Variants in KCNQ5 observed in about 807,000 individuals in gnomAD.
KCNQ5 encodes potassium voltage-gated channel subfamily Q member 5, also known as potassium voltage-gated channel subfamily KQT member 5.
Under a neutral mutation model 98.2 loss-of-function variants are expected in KCNQ5, and 30 were observed. The observed-to-expected ratio is 0.31, with a 90% CI of 0.23 to 0.41. The LOEUF (loss-of-function observed/expected upper bound fraction) is 0.41, where lower values mean the gene tolerates loss of function less well. KCNQ5 is among the 10% of genes least tolerant of loss of function. The pLI, the probability that KCNQ5 is intolerant of heterozygous loss-of-function variation, is 1.00. For missense variants in KCNQ5, 835 were observed against 1,182.5 expected (o/e 0.71, Z 4.31); for synonymous variants, 458 against 449.4 (o/e 1.02, Z -0.24).
chr6:72,850,947 G>C (rs1445465731), intron 1 of KCNQ5, among the ~76,000 whole-genome samples: 1 of 151,756 alleles, frequency 6.6e-6, no homozygotes, highest in Admixed American at 6.6e-5. Context: ...AAGAAAACTT[G>C]CTTTTTGACT....
At chr6:73,022,369 CA>C (rs1436462997) in intron 2 of KCNQ5, among the ~76,000 whole-genome samples, 1 of 152,042 alleles carries the variant, frequency 6.6e-6, no homozygotes, top group East Asian at 1.9e-4. Flanking sequence ...AAACTGGACA[CA>C]GTGGCTTATG....
chr6:72,633,908 A>T (rs985682812), intron 1 of KCNQ5, among the ~76,000 whole-genome samples: 4 of 152,226 alleles, frequency 2.6e-5, no homozygotes, highest in African/African-American at 9.6e-5. Flanking sequence ...AGATTTAAAT[A>T]TAAGACCTCA....
intron 7 of KCNQ5, among the ~76,000 whole-genome samples, chr6:73,114,663 G>T (rs1191436434): frequency 6.6e-6 from 1 of 152,014 alleles, no homozygotes; most frequent in Non-Finnish European, 1.5e-5. Flanking sequence ...CTTGATCCTC[G>T]AGACAAGCCT....
At chr6:72,686,717 G>GTTTT (rs1554688157) in intron 1 of KCNQ5, among the ~76,000 whole-genome samples, 79 of 97,276 alleles carry the variant, frequency 8.1e-4, no homozygotes, top group East Asian at 2.5e-3. Flanking sequence ...TTTATGGGTT[G>GTTTT]TTTTTTTTTT....
chr6:73,157,974 T>A (rs2150489556), intron 10 of KCNQ5: 1 of 760,202 alleles, frequency 1.3e-6, no homozygotes. Flanking sequence ...GGACTCTTCA[T>A]ACCCCTTGAA....
intron 1 of KCNQ5, among the ~76,000 whole-genome samples, chr6:72,803,670 A>G (rs1002163989): frequency 3.3e-5 from 5 of 152,138 alleles, no homozygotes; most frequent in African/African-American, 1.2e-4. Flanking sequence ...TATGTTCACA[A>G]ATCATCACCC....
chr6:72,734,935 A>T (rs1263572293), intron 1 of KCNQ5, among the ~76,000 whole-genome samples: 1 of 152,164 alleles, frequency 6.6e-6, no homozygotes, highest in East Asian at 1.9e-4. Flanking sequence ...ATTTCACTTC[A>T]ACTTCATGAT....
Position 72,928,702 on chromosome 6 carries a change from G to A in KCNQ5, c.399-75206G>A, listed in dbSNP as rs1045358030. Among the ~76,000 whole-genome samples, 4 of 152,016 alleles carry A rather than the reference G, an allele frequency of 2.6e-5. No individual in the cohort carries two copies. In the South Asian group the frequency reaches 8.3e-4, roughly 32 times the overall value. ...AGAAGTAGACAGAGATATAGATATAGGTATGGAGTAGACTCTAATATGTCT... is the reference window on the plus strand; with the variant it reads ...AGAAGTAGACAGAGATATAGATATAAGTATGGAGTAGACTCTAATATGTCT... On this transcript the variant is annotated intron_variant, in intron 1 of 13. Transcript: ENST00000370398.
intron 3 of KCNQ5, among the ~76,000 whole-genome samples, chr6:73,054,730 C>G (rs1193572824): frequency 6.6e-6 from 1 of 152,174 alleles, no homozygotes; most frequent in African/African-American, 2.4e-5. Context: ...AACTCACAGC[C>G]AACATCACAG....
chr6:72,927,746 T>C (rs991890871), intron 1 of KCNQ5, among the ~76,000 whole-genome samples: 6 of 152,134 alleles, frequency 3.9e-5, no homozygotes, highest in Non-Finnish European at 8.8e-5. Flanking sequence ...TACGATTCTA[T>C]TGAATTTACC....
chr6:73,144,091 A>G (rs1008425350), intron 10 of KCNQ5, among the ~76,000 whole-genome samples: 1 of 152,144 alleles, frequency 6.6e-6, no homozygotes, highest in Non-Finnish European at 1.5e-5. Flanking sequence ...GGTGTGCTCT[A>G]CTTGGTAAAG....
At chr6:73,133,358 C>A in intron 9 of KCNQ5, 63 bp from the exon 10 acceptor site, 1 of 1,444,432 alleles carries the variant, frequency 6.9e-7, no homozygotes, top group Admixed American at 1.8e-5. Flanking sequence ...CATCAAATTA[C>A]TTACCCAAGC....
intron 1 of KCNQ5, among the ~76,000 whole-genome samples, chr6:72,945,891 A>C (rs535177577): frequency 1.1e-4 from 16 of 152,298 alleles, no homozygotes; most frequent in Non-Finnish European, 2.1e-4. Context: ...ACCGCTCACA[A>C]ATTTTAACAT....
chr6:73,042,095 G>A, intron 3 of KCNQ5, 33 bp downstream of exon 3: 1 of 1,612,292 alleles, frequency 6.2e-7, no homozygotes. Context: ...CCTGGACTAT[G>A]ACACCAACAT....
At chr6:73,105,888 G>C (rs891350716) in intron 6 of KCNQ5, among the ~76,000 whole-genome samples, 2 of 151,944 alleles carry the variant, frequency 1.3e-5, no homozygotes, top group Non-Finnish European at 2.9e-5. Context: ...TCAGAATAAA[G>C]GGCACATTTA....
intron 1 of KCNQ5, among the ~76,000 whole-genome samples, chr6:72,826,323 A>C (rs1775991532): frequency 6.6e-6 from 1 of 152,192 alleles, no homozygotes; most frequent in South Asian, 2.1e-4. Flanking sequence ...TAATGAGTTA[A>C]ATTTAGAAAC....
intron 5 of KCNQ5, among the ~76,000 whole-genome samples, chr6:73,098,495 T>G (rs4708029): frequency 0.89 from 134,979 of 152,268 alleles, 60,609 homozygotes; most frequent in South Asian, 0.97. Context: ...AAAGATTTTA[T>G]AAGCAGCAAA....
At chr6:72,859,014 TC>T (rs1229112793) in intron 1 of KCNQ5, among the ~76,000 whole-genome samples, 2 of 140,666 alleles carry the variant, frequency 1.4e-5, no homozygotes, top group Non-Finnish European at 3.2e-5. Context: ...TATACATATT[TC>T]AAAATAAAAA....
chr6:72,716,233 T>A (rs1308186756), intron 1 of KCNQ5, among the ~76,000 whole-genome samples: 1 of 152,202 alleles, frequency 6.6e-6, no homozygotes, highest in Non-Finnish European at 1.5e-5. Flanking sequence ...AAGTAAAAAT[T>A]GATTCTGAAA....
Sources: allele counts gnomAD v4.1 joint callset (sites outside exome capture counted in the v4.1 genomes callset), GRCh38; gene constraint gnomAD v4.1.1; transcripts MANE v1.5; gene names NCBI Gene and HGNC (gene_info 2026-07-23, HGNC 2026-07-21).